Variants in HS2ST1 observed in about 807,000 individuals in gnomAD.
HS2ST1 encodes the protein heparan sulfate 2-O-sulfotransferase 1.
A neutral mutation model predicts 42.9 loss-of-function variants in HS2ST1; 18 were observed. That is an observed-to-expected ratio of 0.42 (90% CI 0.29 to 0.62). The LOEUF (loss-of-function observed/expected upper bound fraction) is 0.62, where lower values mean the gene tolerates loss of function less well. Ranked by LOEUF, HS2ST1 falls within the 20% of genes least tolerant of loss-of-function variation. HS2ST1 has a pLI of 0.21. For synonymous variants in HS2ST1, 146 were observed against 152.9 expected (o/e 0.95, Z 0.33); for missense variants, 334 against 433.8 (o/e 0.77, Z 2.04).
At chr1:86,960,376 T>A (rs1157914976) in intron 1 of HS2ST1, among the ~76,000 whole-genome samples, 1 of 152,152 alleles carries the variant, frequency 6.6e-6, no homozygotes, top group Non-Finnish European at 1.5e-5. Flanking sequence ...TTAGGTTTGG[T>A]GATAACTTTT....
intron 3 of HS2ST1, among the ~76,000 whole-genome samples, chr1:87,091,910 AT>A (rs575281906): frequency 2.5e-3 from 382 of 152,110 alleles, no homozygotes; most frequent in Non-Finnish European, 4.4e-3. Context: ...TTTCACCTCT[AT>A]CTTGTCTTTA....
intron 1 of HS2ST1, among the ~76,000 whole-genome samples, chr1:86,919,364 A>G (rs1376605821): frequency 6.6e-6 from 1 of 152,104 alleles, no homozygotes. Flanking sequence ...TCGTTTTCAT[A>G]TTTTGCTTAG....
At chr1:86,987,316 C>T (rs999482255) in intron 1 of HS2ST1, among the ~76,000 whole-genome samples, 10 of 151,990 alleles carry the variant, frequency 6.6e-5, no homozygotes, top group South Asian at 4.1e-4. Flanking sequence ...CTTCGTGATC[C>T]GTATGCCTCG....
chr1:87,003,461 A>G (rs547910998), intron 1 of HS2ST1, among the ~76,000 whole-genome samples: 91 of 152,352 alleles, frequency 6.0e-4, no homozygotes, highest in African/African-American at 2.1e-3. Flanking sequence ...TTCAGTGCTT[A>G]CGTTACCATT....
chr1:87,036,359 T>A (rs1212077778), intron 1 of HS2ST1, among the ~76,000 whole-genome samples: 1 of 152,184 alleles, frequency 6.6e-6, no homozygotes, highest in East Asian at 1.9e-4. Context: ...TGGGTCTAGA[T>A]CCTTGAGGAA....
intron 1 of HS2ST1, among the ~76,000 whole-genome samples, chr1:86,963,851 C>T (rs1389073485): frequency 4.1e-5 from 6 of 147,450 alleles, no homozygotes; most frequent in Admixed American, 1.3e-4. Flanking sequence ...CCCCACCTCC[C>T]GCCCGGACGG....
In HS2ST1 at chr1:87,084,277, A is replaced by G. The variant is rs200505827; in HGVS notation, c.447A>G (p.Ala149=). Residue 149 remains alanine, a splice_region_variant and synonymous_variant, in exon 3 of 7, where the codon GCA becomes GCG. Coordinates refer to ENST00000370550, the MANE Select transcript of HS2ST1 (RefSeq NM_012262.4). ...GACACGTTTCTTACTTGGATTTTGC[A>G]AAGTAAGTTACACTGAAATGACACG... The part of the protein sequence containing the change: ...YHGHVSYLDF[A]KFGVKKKPIY... 24 of 1,570,528 alleles carry G rather than the reference A, an allele frequency of 1.5e-5. No individual in the cohort carries two copies. In the African/African-American group the frequency reaches 1.9e-4, roughly 12 times the overall value.
At chr1:86,992,358 CT>C (rs1292639850) in intron 1 of HS2ST1, among the ~76,000 whole-genome samples, 1 of 148,694 alleles carries the variant, frequency 6.7e-6, no homozygotes, top group African/African-American at 2.5e-5. Flanking sequence ...TTAATTTTCT[CT>C]TTCTTTTTTT....
At chr1:86,963,989 C>A (rs138754293) in intron 1 of HS2ST1, among the ~76,000 whole-genome samples, 1 of 151,636 alleles carries the variant, frequency 6.6e-6, no homozygotes, top group Admixed American at 6.6e-5. Context: ...GGGCTCCTCA[C>A]TTCTCAGACA....
At chr1:87,098,020 G>C in intron 5 of HS2ST1, 85 bp downstream of exon 5, 1 of 1,574,892 alleles carries the variant, frequency 6.3e-7, no homozygotes, top group Non-Finnish European at 8.6e-7. Flanking sequence ...GCTAGATATA[G>C]GGAAATCGGT....
At chr1:87,056,500 A>G (rs912238266) in intron 1 of HS2ST1, among the ~76,000 whole-genome samples, 7 of 152,204 alleles carry the variant, frequency 4.6e-5, no homozygotes, top group Non-Finnish European at 8.8e-5. Flanking sequence ...CACACAAACT[A>G]TGTTTATTCA....
rs1286312972 is a variant in HS2ST1, at chr1:86,914,758, G to A, written c.-279G>A. On this transcript the variant is annotated 5_prime_UTR_variant, in exon 1 of 7. Transcript: ENST00000370550. ...GGGGACTGAGGCAGTAGAGGGAGGC[G>A]AGAGCCCGGCAGCCGCTTCGCGCTG... The A allele has an allele frequency of 1.1e-5, 5 of 475,246 alleles. No homozygotes were observed. The highest frequency in any genetic ancestry group is 1.9e-5 in the Non-Finnish European group (5 of 265,460). The allele number at this position is 475,246 out of a possible 1,614,324, so 29.4% of individuals were successfully genotyped here.
At chr1:86,970,034 A>T (rs1648182786) in intron 1 of HS2ST1, among the ~76,000 whole-genome samples, 1 of 151,928 alleles carries the variant, frequency 6.6e-6, no homozygotes, top group Admixed American at 6.6e-5. Flanking sequence ...CTGAGGCAGG[A>T]GAATCACTTG....
At chr1:86,925,068 C>T (rs776785435) in intron 1 of HS2ST1, among the ~76,000 whole-genome samples, 10 of 152,144 alleles carry the variant, frequency 6.6e-5, no homozygotes, top group Non-Finnish European at 1.3e-4. Flanking sequence ...TTTCTTTCAC[C>T]AGAAACCCTA....
At chr1:87,051,375 A>G (rs1055876296) in intron 1 of HS2ST1, among the ~76,000 whole-genome samples, 5 of 152,190 alleles carry the variant, frequency 3.3e-5, no homozygotes, top group Admixed American at 1.3e-4. Context: ...TATCCCCATT[A>G]ATTTTATCAA....
intron 1 of HS2ST1, among the ~76,000 whole-genome samples, chr1:86,945,794 T>TG (rs2102180456): frequency 6.6e-6 from 1 of 152,288 alleles, no homozygotes; most frequent in South Asian, 2.1e-4. Context: ...CTTGGCCAGG[T>TG]GCAGTGGCTC....
chr1:87,089,209 T>C (rs182551837), intron 3 of HS2ST1, among the ~76,000 whole-genome samples: 10 of 152,186 alleles, frequency 6.6e-5, no homozygotes, highest in Admixed American at 5.9e-4. Flanking sequence ...TAGAATGTAA[T>C]TGTAAAAAAA....
intron 1 of HS2ST1, among the ~76,000 whole-genome samples, chr1:86,931,605 G>A (rs1001373160): frequency 2.0e-5 from 3 of 152,062 alleles, no homozygotes; most frequent in African/African-American, 7.2e-5. Context: ...GAGGCATCTA[G>A]TGATAAGAAT....
At chr1:87,091,775 G>A (rs1190234095) in intron 3 of HS2ST1, among the ~76,000 whole-genome samples, 2 of 152,058 alleles carry the variant, frequency 1.3e-5, no homozygotes, top group Non-Finnish European at 2.9e-5. Context: ...GGACAAGGGT[G>A]TATAATAAAA....
Sources: allele counts gnomAD v4.1 joint callset (sites outside exome capture counted in the v4.1 genomes callset), GRCh38; gene constraint gnomAD v4.1.1; transcripts MANE v1.5; gene names NCBI Gene and HGNC (gene_info 2026-07-23, HGNC 2026-07-21).